Variants in HTR7 observed in about 807,000 individuals in gnomAD.
The protein encoded by HTR7 is 5-hydroxytryptamine receptor 7.
Under a neutral mutation model 34.0 loss-of-function variants are expected in HTR7, and 16 were observed. That is an observed-to-expected ratio of 0.47 (90% CI 0.32 to 0.71). The LOEUF (loss-of-function observed/expected upper bound fraction) is 0.71. Ranked by LOEUF, HTR7 falls within the 30% of genes least tolerant of loss-of-function variation. The pLI, the probability that HTR7 is intolerant of heterozygous loss-of-function variation, is 0.04. For synonymous variants in HTR7, 265 were observed against 260.2 expected (o/e 1.02, Z -0.18); for missense variants, 504 against 625.5 (o/e 0.81, Z 2.07).
At chr10:90,805,948 A>G (rs1231192737) in intron 1 of HTR7, among the ~76,000 whole-genome samples, 2 of 152,230 alleles carry the variant, frequency 1.3e-5, no homozygotes, top group African/African-American at 2.4e-5. Flanking sequence ...AAATCTAGAG[A>G]TCATGTTATA....
chr10:90,819,351 A>G (rs1845943441), intron 1 of HTR7, among the ~76,000 whole-genome samples: 1 of 151,912 alleles, frequency 6.6e-6, no homozygotes, highest in South Asian at 2.1e-4. Flanking sequence ...ATATATATAA[A>G]TATAAGTCTA....
Position 90,742,300 on chromosome 10 carries a change from A to T in HTR7, c.*182T>A. On this transcript the variant is annotated 3_prime_UTR_variant, in exon 4 of 4. Transcript: ENST00000336152. ...ACACACAATAGCACTGATCCACAGA[A>T]AAAAGGAGAAGTCACCATCTCCCTC... 1 of 512,750 alleles carries T rather than the reference A, an allele frequency of 2.0e-6. No individual in the cohort carries two copies. The highest frequency in any genetic ancestry group is 3.5e-6 in the Non-Finnish European group (1 of 288,362). 31.8% of individuals were successfully genotyped at this position (512,750 alleles called of 1,614,324 possible).
intron 1 of HTR7, among the ~76,000 whole-genome samples, chr10:90,799,592 C>G (rs561110897): frequency 1.3e-5 from 2 of 152,196 alleles, no homozygotes; most frequent in South Asian, 4.1e-4. Flanking sequence ...CTCCTGTACC[C>G]CTCAAATTGC....
At chr10:90,826,249 G>C (rs1228816132) in intron 1 of HTR7, among the ~76,000 whole-genome samples, 1 of 152,096 alleles carries the variant, frequency 6.6e-6, no homozygotes, top group African/African-American at 2.4e-5. Flanking sequence ...AATATATCTG[G>C]TGAAAATATC....
At chr10:90,750,476 A>G (rs1844716262) in intron 1 of HTR7, among the ~76,000 whole-genome samples, 1 of 152,228 alleles carries the variant, frequency 6.6e-6, no homozygotes, top group African/African-American at 2.4e-5. Context: ...AATATTTTTC[A>G]GCTTTTCAAA....
intron 1 of HTR7, among the ~76,000 whole-genome samples, chr10:90,773,434 C>T (rs1845150585): frequency 6.6e-6 from 1 of 150,706 alleles, no homozygotes; most frequent in African/African-American, 2.5e-5. Flanking sequence ...AAGTGTCCAT[C>T]CTCTCAAGCA....
intron 1 of HTR7, among the ~76,000 whole-genome samples, chr10:90,847,418 CCTT>C (rs757831961): frequency 3.3e-5 from 5 of 152,130 alleles, no homozygotes; most frequent in Non-Finnish European, 5.9e-5. Context: ...CATTTCATCT[CCTT>C]CTCACTTTCC....
chr10:90,792,605 A>G (rs1845476205), intron 1 of HTR7, among the ~76,000 whole-genome samples: 1 of 152,106 alleles, frequency 6.6e-6, no homozygotes, highest in African/African-American at 2.4e-5. Flanking sequence ...CCATTTTTCA[A>G]CTTTACCATT....
At chr10:90,821,150 ACAC>A (rs1157977215) in intron 1 of HTR7, among the ~76,000 whole-genome samples, 15 of 151,906 alleles carry the variant, frequency 9.9e-5, no homozygotes, top group Admixed American at 9.2e-4. Flanking sequence ...ACACACACAC[ACAC>A]AAGCACCTTC....
intron 1 of HTR7, among the ~76,000 whole-genome samples, chr10:90,781,938 G>A (rs532658295): frequency 6.6e-6 from 1 of 152,260 alleles, no homozygotes; most frequent in South Asian, 2.1e-4. Flanking sequence ...TCCTTGCTTT[G>A]GGCACTTTCT....
In HTR7 at chr10:90,762,212, T is replaced by G. The variant is rs574646595; in HGVS notation, c.540-12618A>C. ...TTTATTTTTTAAGGAACCTCCATAC[T>G]GTTTTCCATAAAGGCTGTACTAACT... On this transcript the variant is annotated intron_variant, in intron 1 of 3. Coordinates refer to ENST00000336152, the MANE Select transcript of HTR7 (RefSeq NM_019859.4). Among the ~76,000 whole-genome samples, 13 of 152,354 alleles carry G rather than the reference T, an allele frequency of 8.5e-5. No homozygotes were observed. The South Asian group carries it at 2.7e-3, about 32-fold the overall frequency.
rs1254374482 is a variant in HTR7 at position 90,857,568 on chromosome 10, C to A, written c.104G>T (p.Gly35Val). ...GGAGCCCGCGACCGGGTCGGCGCCA[C>A]CGTCGGGGCTCAAGTCGGGCAGCCC... is the stretch of plus-strand genomic sequence containing the variant. Reference protein sequence around the residue: ...GRGLPDLSPDGGADPVAGSWA... With the variant: ...GRGLPDLSPDVGADPVAGSWA... Residue 35 changes from glycine (G) to valine (V), a missense_variant, in exon 1 of 4, where the codon GGT (glycine) becomes GTT (valine). Physicochemically the swap from Gly to Val is moderately radical, Grantham distance 109. Around this residue, in one of 4 missense-constraint regions of HTR7, gnomAD observed 139 missense variants for 117.1 expected, o/e 1.19. Transcript: ENST00000336152. This position sits in a 1 kb window ranked among gnomAD's most constrained non-coding sequence, Gnocchi z 6.5. 1.9e-6 allele frequency: 3 copies of A among 1,595,632 alleles called. No individual in the cohort carries two copies. The highest frequency in any genetic ancestry group is 1.9e-4 in the Middle Eastern group (1 of 5,318).
intron 1 of HTR7, among the ~76,000 whole-genome samples, chr10:90,766,877 C>A (rs1173497483): frequency 2.0e-5 from 3 of 152,230 alleles, no homozygotes; most frequent in Non-Finnish European, 4.4e-5. Context: ...TCAGTCCAGC[C>A]TATGGTTCTT....
chr10:90,850,178 T>C (rs1265043843), intron 1 of HTR7, among the ~76,000 whole-genome samples: 4 of 152,248 alleles, frequency 2.6e-5, no homozygotes, highest in African/African-American at 9.6e-5. Flanking sequence ...TTTGCTGAAT[T>C]CTGAGACTGC....
At chr10:90,797,714 A>T (rs904841885) in intron 1 of HTR7, among the ~76,000 whole-genome samples, 6 of 152,266 alleles carry the variant, frequency 3.9e-5, no homozygotes, top group African/African-American at 1.4e-4. Flanking sequence ...CATGTAAAAA[A>T]GAAATGAATT....
chr10:90,809,182 C>T (rs899734802), intron 1 of HTR7, among the ~76,000 whole-genome samples: 2 of 152,196 alleles, frequency 1.3e-5, no homozygotes, highest in African/African-American at 4.8e-5. Flanking sequence ...TTTATCACCT[C>T]CCCTCCTGAC....
intron 1 of HTR7, among the ~76,000 whole-genome samples, chr10:90,784,597 G>C (rs548430898): frequency 1.3e-5 from 2 of 152,228 alleles, no homozygotes; most frequent in East Asian, 3.9e-4. Context: ...CATAAATGCA[G>C]TAGTATATAT....
intron 1 of HTR7, among the ~76,000 whole-genome samples, chr10:90,779,121 C>T (rs139461298): frequency 4.7e-3 from 720 of 152,292 alleles, no homozygotes; most frequent in Non-Finnish European, 7.5e-3. Flanking sequence ...CATGCCACTT[C>T]ATAGTGTTGT....
At chr10:90,780,536 CAAAAA>C (rs57590024) in intron 1 of HTR7, among the ~76,000 whole-genome samples, 1 of 70,948 alleles carries the variant, frequency 1.4e-5, no homozygotes. Flanking sequence ...GACTCCATCT[CAAAAA>C]AAAAAAAAAA....
Sources: allele counts gnomAD v4.1 joint callset (sites outside exome capture counted in the v4.1 genomes callset), GRCh38; gene constraint gnomAD v4.1.1; regional missense constraint gnomAD v4.1.1; non-coding constraint Gnocchi (gnomAD v3.1); transcripts MANE v1.5; gene names NCBI Gene and HGNC (gene_info 2026-07-23, HGNC 2026-07-21).